Variants in PPFIA2 observed in about 807,000 individuals in gnomAD.
PPFIA2 encodes the protein liprin-alpha-2.
In PPFIA2, 46 loss-of-function variants were observed where a neutral mutation model predicts 175.5. The observed-to-expected ratio is 0.26, with a 90% CI of 0.21 to 0.34. The LOEUF is 0.34. PPFIA2 is among the 10% of genes least tolerant of loss of function. PPFIA2 has a pLI of 1.00. For synonymous variants in PPFIA2, 568 were observed against 511.4 expected, an observed-to-expected ratio of 1.11 and a Z score of -1.49; for missense variants, 1,179 against 1,506.1, an observed-to-expected ratio of 0.78 and a Z score of 3.60.
chr12:81,259,686 G>T, intron 32 of PPFIA2, 26 bp from the exon 33 acceptor site: 1 of 1,532,282 alleles, frequency 6.5e-7, no homozygotes, highest in Non-Finnish European at 8.7e-7. Flanking sequence ...GATAGCATTA[G>T]TTCACTGAAA....
intron 4 of PPFIA2, among the ~76,000 whole-genome samples, chr12:81,529,557 GAA>G (rs2064205254): frequency 9.0e-6 from 1 of 111,582 alleles, no homozygotes. Flanking sequence ...GGGGGCAGTG[GAA>G]AGAGAGAGAG....
chr12:81,418,233 T>C (rs948345658), intron 7 of PPFIA2, among the ~76,000 whole-genome samples: 4 of 151,852 alleles, frequency 2.6e-5, no homozygotes, highest in African/African-American at 9.7e-5. Context: ...TCTCTTTCCT[T>C]AGCCTTCTAT....
chr12:81,368,876 C>T lies in PPFIA2; in HGVS notation c.1351-20G>A. 1.3e-6 allele frequency: 2 copies of T among 1,592,048 alleles called. No homozygotes were observed. The highest frequency in any genetic ancestry group is 1.7e-6 in the Non-Finnish European group (2 of 1,171,664). On this transcript the variant is annotated intron_variant, in intron 12 of 32. Transcript: ENST00000549396. ...CCTAGCCTTACATTTTAAAAAATGA[C>T]ATAAAAATCCATTCAAAAACTGTTT...
intron 4 of PPFIA2, among the ~76,000 whole-genome samples, chr12:81,510,252 T>G (rs1204426799): frequency 6.6e-6 from 1 of 152,100 alleles, no homozygotes; most frequent in Non-Finnish European, 1.5e-5. Flanking sequence ...TGTTTCTGTA[T>G]GTGTGTGTGA....
Position 81,445,635 on chromosome 12 carries a change from G to T in PPFIA2, c.491C>A (p.Pro164His), listed in dbSNP as rs1282318444. The change falls in exon 6 of 33, where the codon CCC (proline) becomes CAC (histidine). Residue 164 changes from proline (P) to histidine (H), a missense_variant. This residue lies in a region of PPFIA2 where 49 missense variants were observed against 108.9 expected (regional missense o/e 0.45). Coordinates refer to ENST00000549396, the MANE Select transcript of PPFIA2 (RefSeq NM_003625.5). ...TTCAACTTCACTGGATACTCCTGAG[G>T]GAGACTGGGCTTGCCGTTTTACCAC... Reference protein sequence around the residue: ...MTVVKRQAQSPSGVSSEVEVL... With the variant: ...MTVVKRQAQSHSGVSSEVEVL... The T allele has an allele frequency of 6.2e-7, 1 of 1,613,778 alleles. No individual in the cohort carries two copies. Among genetic ancestry groups the T allele is most frequent in the Non-Finnish European group, 8.5e-7 (1 of 1,179,862 alleles).
At chr12:81,479,660 A>G (rs1431773872) in intron 4 of PPFIA2, among the ~76,000 whole-genome samples, 1 of 152,074 alleles carries the variant, frequency 6.6e-6, no homozygotes, top group Non-Finnish European at 1.5e-5. Context: ...TCTGTAAAGG[A>G]TTTTATTTTT....
chr12:81,668,255 T>C (rs2070739376), intron 4 of PPFIA2, among the ~76,000 whole-genome samples: 1 of 152,100 alleles, frequency 6.6e-6, no homozygotes, highest in Non-Finnish European at 1.5e-5. Flanking sequence ...ATTATCCTTC[T>C]ACTTCATCAG....
At position 81,374,739 on chromosome 12, in the gene PPFIA2, T is replaced by C; in HGVS notation, c.1161A>G (p.Glu387=). The change falls in exon 11 of 33, where the codon GAA becomes GAG. Residue 387 remains glutamate (E), a synonymous_variant. Transcript: ENST00000549396. ...ACTTTTGTTCAGCTAGCTCAAGACG[T>C]TCTTGTAACTGTCTGTTTTTCTCTT... ...QMEEKNRQLQ[E]RLELAEQKLQ... is the part of the protein sequence containing the mutation. 1 of 1,613,052 alleles carries C rather than the reference T, an allele frequency of 6.2e-7. No homozygotes were observed. The highest frequency in any genetic ancestry group is 8.5e-7 in the Non-Finnish European group (1 of 1,179,368).
At chr12:81,420,843 C>A (rs892095180) in intron 7 of PPFIA2, among the ~76,000 whole-genome samples, 1 of 151,384 alleles carries the variant, frequency 6.6e-6, no homozygotes, top group African/African-American at 2.4e-5. Context: ...ATAAGATCAA[C>A]CCCAAAACAC....
At position 81,367,098 on chromosome 12, in the gene PPFIA2, T is replaced by C; in HGVS notation, c.1545+10A>G. On this transcript the variant is annotated intron_variant, in intron 14 of 32. Coordinates refer to ENST00000549396, the MANE Select transcript of PPFIA2 (RefSeq NM_003625.5). ...AGAAAATGGGCCCAAAACATAAGTT[T>C]CCATTATACCTTATCATGTAAAGAT... 6.8e-7 allele frequency: 1 copy of C among 1,463,748 alleles called. No homozygotes were observed. The highest frequency in any genetic ancestry group is 1.5e-5 in the African/African-American group (1 of 68,802). The allele number at this position is 1,463,748 out of a possible 1,614,324, so 90.7% of individuals were successfully genotyped here. A position where few individuals can be genotyped will look rare whatever the true frequency, so the allele number is the denominator to read the frequency against.
chr12:81,403,003 C>A (rs74104418), intron 8 of PPFIA2, among the ~76,000 whole-genome samples: 2 of 152,068 alleles, frequency 1.3e-5, no homozygotes, highest in East Asian at 3.9e-4. Context: ...ACATTATACA[C>A]ATTTTAGGTT....
At chr12:81,343,971 C>T (rs1004643407) in intron 19 of PPFIA2, among the ~76,000 whole-genome samples, 1 of 152,050 alleles carries the variant, frequency 6.6e-6, no homozygotes, top group Non-Finnish European at 1.5e-5. Context: ...TCATCTTCTC[C>T]ATCTGGCTCT....
chr12:81,300,536 A>T (rs1014391784), intron 22 of PPFIA2, among the ~76,000 whole-genome samples: 12 of 152,170 alleles, frequency 7.9e-5, no homozygotes, highest in East Asian at 5.8e-4. Flanking sequence ...AAAATTCATT[A>T]AAAAAGGTGC....
At chr12:81,547,627 G>A (rs1226311191) in intron 4 of PPFIA2, among the ~76,000 whole-genome samples, 1 of 152,088 alleles carries the variant, frequency 6.6e-6, no homozygotes, top group Admixed American at 6.6e-5. Flanking sequence ...ATGAATCAGT[G>A]CTACATTTAA....
At chr12:81,477,070 A>ATC (rs2057567867) in intron 4 of PPFIA2, among the ~76,000 whole-genome samples, 1 of 151,972 alleles carries the variant, frequency 6.6e-6, no homozygotes, top group Non-Finnish European at 1.5e-5. Flanking sequence ...GTAGCGGGGG[A>ATC]AGGGAGAGCA....
In PPFIA2 at chr12:81,383,085, C is replaced by A. The variant is rs552209016; in HGVS notation, c.984+938G>T. 5.9e-5 allele frequency among the ~76,000 whole-genome samples: 9 copies of A among 152,126 alleles called. No homozygotes were observed. The South Asian group carries it at 1.9e-3, about 32-fold the overall frequency. ...GAGAATTGAACCTTGGATTCAGTAACATGGAGGTCAGTAATGACTTTTATG... is the reference window on the plus strand; with the variant it reads ...GAGAATTGAACCTTGGATTCAGTAAAATGGAGGTCAGTAATGACTTTTATG... On this transcript the variant is annotated intron_variant, in intron 9 of 32. Transcript: ENST00000549396.
At chr12:81,345,325 C>T (rs1189375107) in intron 18 of PPFIA2, among the ~76,000 whole-genome samples, 2 of 152,100 alleles carry the variant, frequency 1.3e-5, no homozygotes, top group Non-Finnish European at 2.9e-5. Context: ...TTTCTTGCTT[C>T]TCTGACTTAG....
intron 7 of PPFIA2, among the ~76,000 whole-genome samples, chr12:81,421,420 T>C (rs930800817): frequency 6.6e-6 from 1 of 152,018 alleles, no homozygotes; most frequent in Non-Finnish European, 1.5e-5. Context: ...AGTAAAAGTG[T>C]GGAGGTTTTG....
chr12:81,393,636 G>A (rs550203516), intron 8 of PPFIA2, among the ~76,000 whole-genome samples: 1 of 152,146 alleles, frequency 6.6e-6, no homozygotes, highest in Non-Finnish European at 1.5e-5. Context: ...GAAGTTCAAT[G>A]TTTTTCTTAA....
Sources: gnomAD v4.1 joint callset for allele counts (sites outside exome capture counted in the v4.1 genomes callset) on GRCh38, gnomAD v4.1.1 for gene constraint, gnomAD v4.1.1 regional missense constraint, MANE v1.5 for transcripts, NCBI Gene and HGNC (gene_info 2026-07-23, HGNC 2026-07-21) for gene names.